AATF: variants seen among roughly 807,000 people sequenced by gnomAD.
The protein encoded by AATF is protein AATF.
A neutral mutation model predicts 63.7 loss-of-function variants in AATF; 48 were observed. The observed-to-expected ratio is 0.75, with a 90% confidence interval of 0.60 to 0.96. AATF has a LOEUF of 0.96. Among genes scored for constraint, AATF ranks in the 40% least tolerant of loss-of-function variants. AATF has a pLI of 0.00. For missense variants in AATF, 639 were observed against 685.7 expected, an observed-to-expected ratio of 0.93 and a Z score of 0.76; for synonymous variants, 258 against 247.7, an observed-to-expected ratio of 1.04 and a Z score of -0.39.
At chr17:37,044,599 G>C (rs887905657) in intron 11 of AATF, among the ~76,000 whole-genome samples, 1 of 152,076 alleles carries the variant, frequency 6.6e-6, no homozygotes, top group Non-Finnish European at 1.5e-5. Context: ...TAGGTTTTCT[G>C]TGCTATTTAA....
At chr17:37,018,966 A>G (rs377070394) in intron 8 of AATF, 39 bp from the exon 9 acceptor site, 1 of 1,553,288 alleles carries the variant, frequency 6.4e-7, no homozygotes, top group African/African-American at 1.4e-5. Flanking sequence ...TTGTACTGGA[A>G]GATGATAAAT....
chr17:37,040,540 C>T (rs1297570929), intron 11 of AATF, among the ~76,000 whole-genome samples: 1 of 151,810 alleles, frequency 6.6e-6, no homozygotes, highest in East Asian at 1.9e-4. Context: ...AATTAAATAA[C>T]TTGCCTAAGC....
intron 9 of AATF, 148 bp downstream of exon 9, chr17:37,019,220 T>C (rs2071451038): frequency 4.5e-6 from 3 of 665,000 alleles, no homozygotes; most frequent in Non-Finnish European, 7.8e-6. Context: ...ATGTGACTAA[T>C]TGTTTACCCT....
chr17:36,976,171 C>T (rs2071078432), intron 4 of AATF, among the ~76,000 whole-genome samples: 1 of 152,186 alleles, frequency 6.6e-6, no homozygotes, highest in Non-Finnish European at 1.5e-5. Flanking sequence ...AATTTCATTA[C>T]ACTCTGTTTC....
intron 11 of AATF, among the ~76,000 whole-genome samples, chr17:37,052,019 A>T (rs117287221): frequency 6.6e-6 from 1 of 152,222 alleles, no homozygotes; most frequent in East Asian, 1.9e-4. Context: ...CTCAGGTCCA[A>T]GTCCTGTTAA....
chr17:37,036,974 G>A lies in AATF; in HGVS notation c.1619+5289G>A, dbSNP rs146320525. Among the ~76,000 whole-genome samples, 90 of 151,918 alleles carry A rather than the reference G, an allele frequency of 5.9e-4. 1 individual carries two copies. The East Asian group carries it at 0.017, about 28-fold the overall frequency. ...GCTAAACCCTTGATGCTCTTGACAC[G>A]GGGTAGCTCAGCTCCCAGGACAGCA... On this transcript the variant is annotated intron_variant, in intron 11 of 11. Transcript: ENST00000619387.
chr17:37,031,317 G>A (rs985638109), intron 10 of AATF: 1 of 417,166 alleles, frequency 2.4e-6, no homozygotes, highest in African/African-American at 2.0e-5. Context: ...TTAAGTATAT[G>A]GGAGCATGTG....
intron 7 of AATF, among the ~76,000 whole-genome samples, chr17:36,989,992 A>C (rs981093165): frequency 6.6e-6 from 1 of 152,094 alleles, no homozygotes; most frequent in African/African-American, 2.4e-5. Context: ...TGAAATTTTC[A>C]GTATTTAATA....
chr17:37,008,688 A>AC (rs928870443), intron 8 of AATF, among the ~76,000 whole-genome samples: 10 of 152,040 alleles, frequency 6.6e-5, no homozygotes, highest in East Asian at 3.9e-4. Flanking sequence ...ACATAGAGAG[A>AC]CCCCATCTCT....
chr17:36,953,683 G>C, intron 3 of AATF, 87 bp from the exon 4 acceptor site: 5 of 1,280,854 alleles, frequency 3.9e-6, no homozygotes, highest in Non-Finnish European at 5.5e-6. Context: ...AGAGACTGGT[G>C]TGGTTTCCTG....
intron 11 of AATF, among the ~76,000 whole-genome samples, chr17:37,042,499 C>G (rs557021399): frequency 1.2e-3 from 178 of 151,452 alleles, no homozygotes; most frequent in Non-Finnish European, 2.7e-4. Context: ...ACTGCAGCCT[C>G]GAACTCCTGT....
chr17:37,054,801 C>T (rs1405994318), intron 11 of AATF: 1 of 152,244 alleles, frequency 6.6e-6, no homozygotes, highest in Admixed American at 6.5e-5. Flanking sequence ...GCATTTCTTT[C>T]TCATCAGACG....
rs555763032 is a variant in AATF at position 37,003,777 on chromosome 17, CTT to C, written c.1398+12923_1398+12924del. 1.7e-3 allele frequency among the ~76,000 whole-genome samples: 260 copies of C among 150,514 alleles called. 2 individuals are homozygous for C. Among genetic ancestry groups the C allele is most frequent in the Non-Finnish European group, 2.8e-3 (190 of 67,676 alleles). ...CCACCATGTCTGACCAACAAGAACT[CTT>C]TTAGTAGAGTGGTGGAGGGGGTTCA... On this transcript the variant is annotated intron_variant, in intron 8 of 11. Coordinates refer to ENST00000619387, the MANE Select transcript of AATF (RefSeq NM_012138.4).
At chr17:37,024,358 G>A (rs563823397) in intron 10 of AATF, among the ~76,000 whole-genome samples, 7 of 152,320 alleles carry the variant, frequency 4.6e-5, no homozygotes, top group African/African-American at 1.7e-4. Flanking sequence ...GAGAGAGTCT[G>A]GGACCCATTT....
Position 36,979,005 on chromosome 17 carries a change from A to G in AATF, c.833-7612A>G, listed in dbSNP as rs576418262. 3.9e-5 allele frequency among the ~76,000 whole-genome samples: 6 copies of G among 152,146 alleles called. No individual in the cohort carries two copies. In the South Asian group the frequency reaches 6.2e-4, roughly 16 times the overall value. ...GCCTGGGTAGCCCGCGAGTTGCACAATAATCACTCACACAGCTTTGTAATC... is the reference window on the plus strand; with the variant it reads ...GCCTGGGTAGCCCGCGAGTTGCACAGTAATCACTCACACAGCTTTGTAATC... On this transcript the variant is annotated intron_variant, in intron 4 of 11. Transcript: ENST00000619387.
intron 4 of AATF, among the ~76,000 whole-genome samples, chr17:36,962,735 C>T (rs1008199746): frequency 2.0e-5 from 3 of 152,068 alleles, no homozygotes; most frequent in African/African-American, 7.2e-5. Context: ...TCACTATATT[C>T]ATGGTGAAGT....
intron 10 of AATF, among the ~76,000 whole-genome samples, chr17:37,026,296 G>A (rs2071510673): frequency 6.6e-6 from 1 of 152,234 alleles, no homozygotes; most frequent in Admixed American, 6.5e-5. Context: ...AGTTTTTAAT[G>A]TAAGTTCATG....
At chr17:37,020,422 T>C (rs1225094817) in intron 9 of AATF, among the ~76,000 whole-genome samples, 1 of 152,150 alleles carries the variant, frequency 6.6e-6, no homozygotes, top group Non-Finnish European at 1.5e-5. Context: ...TTTAAACAAT[T>C]TAAACAATTT....
chr17:37,052,615 T>G (rs2071762413), intron 11 of AATF: 1 of 151,838 alleles, frequency 6.6e-6, no homozygotes, highest in Non-Finnish European at 1.5e-5. Context: ...AGTCAAGGAG[T>G]CAGTCTTCAG....
Sources: gnomAD v4.1 joint callset for allele counts (sites outside exome capture counted in the v4.1 genomes callset) on GRCh38, gnomAD v4.1.1 for gene constraint, MANE v1.5 for transcripts, NCBI Gene and HGNC (gene_info 2026-07-23, HGNC 2026-07-21) for gene names.